The following DNAH9 variants were observed in gnomAD, a reference collection of about 807,000 sequenced individuals.
DNAH9 encodes the protein DNAH9 variant protein.
A neutral mutation model predicts 471.6 loss-of-function variants in DNAH9; 345 were observed. The observed-to-expected ratio is 0.73, with a 90% CI of 0.67 to 0.80. The LOEUF (loss-of-function observed/expected upper bound fraction) is 0.80, where lower values mean the gene tolerates loss of function less well. DNAH9 is among the 30% of genes least tolerant of loss of function. The pLI, the probability that DNAH9 is intolerant of heterozygous loss-of-function variation, is 0.00. For missense variants in DNAH9, 5,407 were observed against 5,609.2 expected, an observed-to-expected ratio of 0.96 and a Z score of 1.15; for synonymous variants, 2,093 against 2,123.6, an observed-to-expected ratio of 0.99 and a Z score of 0.40.
intron 26 of DNAH9, among the ~76,000 whole-genome samples, chr17:11,715,786 T>G (rs1231614355): frequency 6.6e-6 from 1 of 152,224 alleles, no homozygotes; most frequent in African/African-American, 2.4e-5. Context: ...GAAGTTTAAA[T>G]AACTTGGCTG....
chr17:11,599,500 G>A (rs537869595), intron 1 of DNAH9, among the ~76,000 whole-genome samples: 2 of 152,286 alleles, frequency 1.3e-5, no homozygotes, highest in South Asian at 4.2e-4. Flanking sequence ...TTTAGCAAAG[G>A]TCAGCCCTGT....
At chr17:11,697,632 ATT>A (rs951465383) in intron 22 of DNAH9, among the ~76,000 whole-genome samples, 2 of 152,012 alleles carry the variant, frequency 1.3e-5, no homozygotes, top group African/African-American at 4.8e-5. Context: ...TTATCTGTAT[ATT>A]TTTTCATTCA....
chr17:11,629,062 A>C (rs1001339767), intron 6 of DNAH9, among the ~76,000 whole-genome samples: 1 of 150,894 alleles, frequency 6.6e-6, no homozygotes, highest in Non-Finnish European at 1.5e-5. Context: ...CACTGTTGTT[A>C]TGATCATGAT....
intron 38 of DNAH9, among the ~76,000 whole-genome samples, chr17:11,771,584 A>T (rs1403668023): frequency 2.0e-5 from 3 of 152,204 alleles, no homozygotes; most frequent in Non-Finnish European, 4.4e-5. Flanking sequence ...AAGTCATCAC[A>T]TCAGCACCTG....
intron 29 of DNAH9, 63 bp from the exon 30 acceptor site, chr17:11,742,112 G>A: frequency 6.7e-7 from 1 of 1,483,378 alleles, no homozygotes; most frequent in Non-Finnish European, 9.3e-7. Flanking sequence ...TTATTTTCTT[G>A]CAGTCTCCTC....
chr17:11,647,627 T>C (rs2150696099), intron 12 of DNAH9, among the ~76,000 whole-genome samples: 1 of 152,302 alleles, frequency 6.6e-6, no homozygotes, highest in Non-Finnish European at 1.5e-5. Context: ...TACCTTGAAC[T>C]TACCATGTCT....
chr17:11,785,809 C>T (rs1324869608), intron 41 of DNAH9, among the ~76,000 whole-genome samples: 7 of 152,216 alleles, frequency 4.6e-5, no homozygotes, highest in East Asian at 3.9e-4. Flanking sequence ...CTGGCCTGGA[C>T]GACTTTCCAC....
In DNAH9 at chr17:11,952,309, C is replaced by CTTTTTT. The variant is rs753276964; in HGVS notation, c.12844-9535_12844-9530dup. Among the ~76,000 whole-genome samples the CTTTTTT allele has an allele frequency of 1.1e-3, 76 of 71,088 alleles. 11 individuals carry two copies. Among genetic ancestry groups the CTTTTTT allele is most frequent in the African/African-American group, 1.4e-3 (22 of 16,114 alleles). The allele number at this position is 71,088 out of a possible 152,430, so 46.6% of individuals were successfully genotyped here. A position where few individuals can be genotyped will look rare whatever the true frequency, so the allele number is the denominator to read the frequency against. On this transcript the variant is annotated intron_variant, in intron 67 of 68. Transcript: ENST00000262442. ...CATGCACCATTACACCCAGCTAATT[C>CTTTTTT]TTTTTTTTTTTTTTTTTTTTTTTTT...
chr17:11,643,788 C>G, intron 10 of DNAH9, among the ~76,000 whole-genome samples: 1 of 152,130 alleles, frequency 6.6e-6, no homozygotes, highest in South Asian at 2.1e-4. Context: ...TCAATACACT[C>G]TATGGTCCAG....
In DNAH9 at chr17:11,654,069, A is replaced by G. The variant is rs145600787; in HGVS notation, c.2595+1067A>G. Reference sequence around the variant, plus strand: ...TTAAGATTTTAAAAGTTTAAAATCGATCTAGGCCGGGCGCGGTGGCTCACG... The same window carrying G: ...TTAAGATTTTAAAAGTTTAAAATCGGTCTAGGCCGGGCGCGGTGGCTCACG... On this transcript the variant is annotated intron_variant, in intron 14 of 68. Transcript: ENST00000262442. 8.7e-3 allele frequency among the ~76,000 whole-genome samples: 1,147 copies of G among 131,136 alleles called. 196 individuals are homozygous for G. The highest frequency in any genetic ancestry group is 0.029 in the African/African-American group (1,056 of 36,022). The allele number at this position is 131,136 out of a possible 152,430, so 86.0% of individuals were successfully genotyped here.
At chr17:11,608,048 TA>T in intron 1 of DNAH9, 80 bp from the exon 2 acceptor site, 1 of 1,138,372 alleles carries the variant, frequency 8.8e-7, no homozygotes, top group Non-Finnish European at 1.3e-6. Context: ...TATAGCTTTA[TA>T]AGCCTTTTCC....
chr17:11,936,734 G>C (rs1974725924), intron 65 of DNAH9, among the ~76,000 whole-genome samples: 1 of 152,194 alleles, frequency 6.6e-6, no homozygotes, highest in Non-Finnish European at 1.5e-5. Context: ...CTAGCCACTA[G>C]CACTGGCCAC....
At chr17:11,884,218 A>T (rs1352666137) in intron 56 of DNAH9, 1 of 173,844 alleles carries the variant, frequency 5.8e-6, no homozygotes, top group Non-Finnish European at 1.2e-5. Context: ...ACTTCCTAGG[A>T]AACTCAGCTC....
At chr17:11,776,994 G>A (rs1221001777) in intron 38 of DNAH9, among the ~76,000 whole-genome samples, 2 of 152,132 alleles carry the variant, frequency 1.3e-5, no homozygotes, top group Non-Finnish European at 2.9e-5. Flanking sequence ...GTTTTGTTGA[G>A]GGTTACTATA....
At chr17:11,751,204 T>C (rs1278835186) in intron 32 of DNAH9, among the ~76,000 whole-genome samples, 6 of 151,654 alleles carry the variant, frequency 4.0e-5, no homozygotes, top group African/African-American at 1.5e-4. Flanking sequence ...AAAGAAAAAG[T>C]TAAAAAAGAG....
intron 1 of DNAH9, among the ~76,000 whole-genome samples, chr17:11,604,521 T>A (rs1017201236): frequency 1.3e-5 from 2 of 152,178 alleles, no homozygotes; most frequent in Non-Finnish European, 2.9e-5. Flanking sequence ...TCCAGCTGCC[T>A]ACTCAACATC....
chr17:11,777,886 C>T (rs971475098), intron 38 of DNAH9, among the ~76,000 whole-genome samples: 5 of 151,928 alleles, frequency 3.3e-5, no homozygotes, highest in African/African-American at 1.2e-4. Context: ...AGACATTCTA[C>T]TTGGAATTGT....
At chr17:11,645,154 T>G (rs1426196066) in intron 11 of DNAH9, among the ~76,000 whole-genome samples, 3 of 152,260 alleles carry the variant, frequency 2.0e-5, no homozygotes, top group African/African-American at 7.2e-5. Context: ...GAATAAGTCT[T>G]TCCAGGGCTT....
At chr17:11,930,391 C>T (rs1432229415) in intron 63 of DNAH9, among the ~76,000 whole-genome samples, 1 of 152,132 alleles carries the variant, frequency 6.6e-6, no homozygotes, top group Non-Finnish European at 1.5e-5. Context: ...CGTTGTTATA[C>T]ATCTCATTGA....
Sources: gnomAD v4.1 joint callset for allele counts (sites outside exome capture counted in the v4.1 genomes callset) on GRCh38, gnomAD v4.1.1 for gene constraint, MANE v1.5 for transcripts, NCBI Gene and HGNC (gene_info 2026-07-23, HGNC 2026-07-21) for gene names.